Variants in FAM168A observed in about 807,000 individuals in gnomAD.
FAM168A encodes family with sequence similarity 168 member A.
A neutral mutation model predicts 28.5 loss-of-function variants in FAM168A; 3 were observed. The observed-to-expected ratio is 0.11, with a 90% CI of 0.05 to 0.27. The LOEUF (loss-of-function observed/expected upper bound fraction) is 0.27, where lower values mean the gene tolerates loss of function less well. FAM168A is among the 10% of genes least tolerant of loss of function. The probability of loss-of-function intolerance (pLI) is 1.00; values close to 1 mark genes in which losing one functional copy is unlikely to be tolerated. For synonymous variants in FAM168A, 122 were observed against 124.2 expected (o/e 0.98, Z 0.12); for missense variants, 222 against 311.5 (o/e 0.71, Z 2.16).
chr11:73,572,272 C>T (rs1169560551), intron 1 of FAM168A, among the ~76,000 whole-genome samples: 1 of 151,760 alleles, frequency 6.6e-6, no homozygotes, highest in South Asian at 2.1e-4. Flanking sequence ...AGCCCCCGCC[C>T]GGCCAGCCGC....
At position 73,479,269 on chromosome 11, in the gene FAM168A, C is replaced by T. The variant is rs186730815; in HGVS notation, c.-18-10777G>A. Among the ~76,000 whole-genome samples, 47 of 152,252 alleles carry T rather than the reference C, an allele frequency of 3.1e-4. No individual in the cohort carries two copies. In the East Asian group the frequency reaches 8.3e-3, roughly 27 times the overall value. The stretch of plus-strand genomic sequence containing the variant: ...CAGCTCTGCTATACATACCTCTGTG[C>T]TTCTTTTACATGAGAAAATAAAACT... On this transcript the variant is annotated intron_variant, in intron 1 of 7. Transcript: ENST00000356467.
chr11:73,430,108 C>T (rs958214311), intron 3 of FAM168A: 3 of 156,982 alleles, frequency 1.9e-5, no homozygotes, highest in Non-Finnish European at 4.2e-5. Flanking sequence ...ATGATCCAAG[C>T]CCAAAATGGA....
At chr11:73,585,263 T>A (rs971637101) in intron 1 of FAM168A, among the ~76,000 whole-genome samples, 1 of 152,236 alleles carries the variant, frequency 6.6e-6, no homozygotes, top group Non-Finnish European at 1.5e-5. Flanking sequence ...CTACCATTTG[T>A]TAAGTAATTA....
intron 1 of FAM168A, among the ~76,000 whole-genome samples, chr11:73,513,111 T>C (rs925339565): frequency 1.3e-5 from 2 of 152,150 alleles, no homozygotes; most frequent in African/African-American, 4.8e-5. Flanking sequence ...GTTTTCTCTC[T>C]TGTAGTTAGC....
At position 73,571,507 on chromosome 11, in the gene FAM168A, T is replaced by C. The variant is rs372370151; in HGVS notation, c.-19+26416A>G. On this transcript the variant is annotated intron_variant, in intron 1 of 7. Coordinates refer to ENST00000356467, the MANE Select transcript of FAM168A (RefSeq NM_015159.3). ...GAGTGATCCGCCAGCCTCGGCCTCCTGAGGTGCCGGGATTGCAGACGGAGT... is the reference window on the plus strand; with the variant it reads ...GAGTGATCCGCCAGCCTCGGCCTCCCGAGGTGCCGGGATTGCAGACGGAGT... Among the ~76,000 whole-genome samples the C allele has an allele frequency of 3.9e-5, 6 of 152,032 alleles. No individual in the cohort carries two copies. The South Asian group carries it at 6.2e-4, about 16-fold the overall frequency.
At chr11:73,565,946 T>C (rs1392982737) in intron 1 of FAM168A, among the ~76,000 whole-genome samples, 5 of 152,226 alleles carry the variant, frequency 3.3e-5, no homozygotes, top group Non-Finnish European at 4.4e-5. Context: ...GGGCTCAAGC[T>C]GAGATCAAAA....
intron 1 of FAM168A, among the ~76,000 whole-genome samples, chr11:73,577,070 G>A (rs565931094): frequency 2.6e-5 from 4 of 152,248 alleles, no homozygotes; most frequent in East Asian, 1.9e-4. Context: ...GTGCTGAACC[G>A]CATCACGGAA....
At chr11:73,453,884 A>G (rs1307304823) in intron 2 of FAM168A, among the ~76,000 whole-genome samples, 1 of 152,242 alleles carries the variant, frequency 6.6e-6, no homozygotes, top group Non-Finnish European at 1.5e-5. Context: ...ATCACCATTG[A>G]TTAAGGACCA....
intron 1 of FAM168A, among the ~76,000 whole-genome samples, chr11:73,508,444 T>C (rs909878499): frequency 1.1e-4 from 17 of 152,192 alleles, no homozygotes; most frequent in African/African-American, 4.1e-4. Flanking sequence ...ATGCAAGCTA[T>C]GCATTTTCAA....
chr11:73,529,504 G>T (rs985007325), intron 1 of FAM168A, among the ~76,000 whole-genome samples: 5 of 152,180 alleles, frequency 3.3e-5, no homozygotes, highest in African/African-American at 7.2e-5. Flanking sequence ...ATTTCAGATG[G>T]TCACCCTTTA....
At chr11:73,571,852 T>C (rs1165295595) in intron 1 of FAM168A, among the ~76,000 whole-genome samples, 1 of 149,330 alleles carries the variant, frequency 6.7e-6, no homozygotes, top group Non-Finnish European at 1.5e-5. Flanking sequence ...CGTCTCTGCC[T>C]GGCCACCCAT....
chr11:73,587,152 TAAA>T (rs1158411875), intron 1 of FAM168A, among the ~76,000 whole-genome samples: 2 of 81,388 alleles, frequency 2.5e-5, no homozygotes, highest in African/African-American at 5.0e-5. Context: ...ATGGACATGT[TAAA>T]AAAAAAAAAA....
intron 2 of FAM168A, among the ~76,000 whole-genome samples, chr11:73,442,415 C>T (rs563053295): frequency 2.0e-5 from 3 of 152,272 alleles, no homozygotes; most frequent in East Asian, 3.9e-4. Context: ...CATGAGCCAC[C>T]GCGCCCGGCC....
intron 2 of FAM168A, among the ~76,000 whole-genome samples, chr11:73,461,353 A>G (rs1479608780): frequency 6.6e-6 from 1 of 152,070 alleles, no homozygotes; most frequent in Admixed American, 6.5e-5. Context: ...CCTGGCCTCA[A>G]GAGATCCTCC....
At chr11:73,417,150 T>C (rs1156991823) in intron 4 of FAM168A, among the ~76,000 whole-genome samples, 1 of 152,134 alleles carries the variant, frequency 6.6e-6, no homozygotes, top group African/African-American at 2.4e-5. Context: ...TTTTTGGAGA[T>C]GGTTTGTTGG....
intron 3 of FAM168A, among the ~76,000 whole-genome samples, chr11:73,422,505 A>G (rs937674830): frequency 2.0e-5 from 3 of 152,168 alleles, no homozygotes; most frequent in Non-Finnish European, 4.4e-5. Flanking sequence ...CCATATAACG[A>G]TTCTAAAGTC....
chr11:73,546,395 A>C (rs769809147), intron 1 of FAM168A, among the ~76,000 whole-genome samples: 18 of 152,208 alleles, frequency 1.2e-4, no homozygotes, highest in Non-Finnish European at 2.6e-4. Context: ...ATTTTGAAAT[A>C]AGACAGCTTC....
intron 1 of FAM168A, among the ~76,000 whole-genome samples, chr11:73,538,350 AAAAG>A (rs1943608988): frequency 1.3e-5 from 2 of 152,130 alleles, no homozygotes; most frequent in African/African-American, 4.8e-5. Context: ...ACAAAAAAAA[AAAAG>A]AGAGAGAGAG....
chr11:73,420,033 A>G, intron 3 of FAM168A, 34 bp from the exon 4 acceptor site: 1 of 1,609,826 alleles, frequency 6.2e-7, no homozygotes, highest in Non-Finnish European at 8.5e-7. Context: ...CATTAGACAG[A>G]AATAAGAAGT....
Sources: gnomAD v4.1 joint callset for allele counts (sites outside exome capture counted in the v4.1 genomes callset) on GRCh38, gnomAD v4.1.1 for gene constraint, MANE v1.5 for transcripts, NCBI Gene and HGNC (gene_info 2026-07-23, HGNC 2026-07-21) for gene names.